Variants in KIAA0825 observed in about 807,000 individuals in gnomAD.
KIAA0825 encodes the protein KIAA0825, also known as uncharacterized protein KIAA0825.
KIAA0825 carries 119 observed loss-of-function variants against 147.6 expected under a neutral mutation model. The ratio of observed to expected loss-of-function variants is 0.81; its 90% CI spans 0.69 to 0.94. The LOEUF (loss-of-function observed/expected upper bound fraction) is 0.94, where lower values mean the gene tolerates loss of function less well. Ranked by LOEUF, KIAA0825 falls within the 40% of genes least tolerant of loss-of-function variation. The probability of loss-of-function intolerance (pLI) is 0.00; values close to 1 mark genes in which losing one functional copy is unlikely to be tolerated. For synonymous variants in KIAA0825, 470 were observed against 518.1 expected (o/e 0.91, Z 1.26); for missense variants, 1,381 against 1,472.7 (o/e 0.94, Z 1.02).
At chr5:94,592,807 A>C (rs1261888579) in intron 1 of KIAA0825, 5 of 450,614 alleles carry the variant, frequency 1.1e-5, no homozygotes, top group Non-Finnish European at 2.1e-5. Flanking sequence ...ATTGGTTACA[A>C]ATATGCTTCG....
intron 14 of KIAA0825, among the ~76,000 whole-genome samples, chr5:94,427,679 A>G (rs115441907): frequency 0.013 from 1,957 of 152,280 alleles, 48 homozygotes; most frequent in African/African-American, 0.045. Flanking sequence ...TTTAAATGGT[A>G]TAAGTATTTT....
chr5:94,277,433 C>G (rs1233892708), intron 20 of KIAA0825, among the ~76,000 whole-genome samples: 1 of 152,018 alleles, frequency 6.6e-6, no homozygotes, highest in Non-Finnish European at 1.5e-5. Flanking sequence ...ACAACCCTAT[C>G]AAAAAGTAGG....
intron 14 of KIAA0825, among the ~76,000 whole-genome samples, chr5:94,422,516 T>C (rs1014713708): frequency 5.3e-5 from 8 of 152,196 alleles, no homozygotes; most frequent in Admixed American, 3.3e-4. Flanking sequence ...TACATTAGTA[T>C]GCTTTTTTCT....
chr5:94,302,480 A>G (rs1015545258), intron 20 of KIAA0825, among the ~76,000 whole-genome samples: 1 of 152,100 alleles, frequency 6.6e-6, no homozygotes, highest in Non-Finnish European at 1.5e-5. Context: ...TTCAAGCATC[A>G]TGTCCCGAAT....
chr5:94,224,720 A>C lies in KIAA0825; in HGVS notation c.3711-70596T>G, dbSNP rs1281832083. ...TTAACAATGGCTAAGGGCTAACAGT[A>C]AACACAGTAGCTTGGGACCCTGGAT... On this transcript the variant is annotated intron_variant, in intron 20 of 20. Coordinates refer to ENST00000682413, the MANE Select transcript of KIAA0825 (RefSeq NM_001145678.3). Among the ~76,000 whole-genome samples the C allele has an allele frequency of 5.9e-5, 9 of 152,346 alleles. No homozygotes were observed. In the East Asian group the frequency reaches 1.7e-3, roughly 29 times the overall value.
chr5:94,166,247 TCAGA>T (rs555148804), intron 20 of KIAA0825, among the ~76,000 whole-genome samples: 1 of 152,194 alleles, frequency 6.6e-6, no homozygotes, highest in Non-Finnish European at 1.5e-5. Context: ...GGGAGATCAT[TCAGA>T]CAGAGAGCGT....
At chr5:94,363,116 C>CAAAGCCTTATTCAGGT (rs922374967) in intron 20 of KIAA0825, among the ~76,000 whole-genome samples, 1 of 150,774 alleles carries the variant, frequency 6.6e-6, no homozygotes, top group Non-Finnish European at 1.5e-5. Flanking sequence ...AGGTAAACAA[C>CAAAGCCTTATTCAGGT]AAAGCCTTAT....
intron 12 of KIAA0825, among the ~76,000 whole-genome samples, chr5:94,454,619 G>C (rs751909695): frequency 1.3e-5 from 2 of 152,142 alleles, no homozygotes; most frequent in Non-Finnish European, 2.9e-5. Context: ...GCCAGACCAG[G>C]TACCAGGATA....
intron 1 of KIAA0825, among the ~76,000 whole-genome samples, chr5:94,590,655 A>C (rs1784184382): frequency 1.3e-5 from 2 of 152,172 alleles, no homozygotes; most frequent in Admixed American, 6.5e-5. Flanking sequence ...TCTTGATGAC[A>C]ATGTCAGCCG....
chr5:94,473,184 T>C, intron 8 of KIAA0825, 108 bp downstream of exon 8: 3 of 825,920 alleles, frequency 3.6e-6, no homozygotes, highest in Non-Finnish European at 5.8e-6. Context: ...TACCAAGTAC[T>C]TGCCAAGGGA....
chr5:94,166,359 G>A (rs1211027937), intron 20 of KIAA0825, among the ~76,000 whole-genome samples: 2 of 152,076 alleles, frequency 1.3e-5, no homozygotes, highest in Non-Finnish European at 2.9e-5. Flanking sequence ...AATGTCAGTG[G>A]TAATAAAAGG....
At chr5:94,430,067 G>T (rs1244316271) in intron 14 of KIAA0825, among the ~76,000 whole-genome samples, 1 of 152,122 alleles carries the variant, frequency 6.6e-6, no homozygotes, top group Admixed American at 6.5e-5. Context: ...CTGCACAGGA[G>T]GGGTGGGGCA....
intron 3 of KIAA0825, among the ~76,000 whole-genome samples, chr5:94,531,238 TA>T (rs1382133828): frequency 5.9e-5 from 9 of 152,286 alleles, no homozygotes; most frequent in African/African-American, 2.2e-4. Context: ...CTCAGCCTCC[TA>T]AAGCAGAGGT....
chr5:94,532,923 T>G (rs552424116), intron 3 of KIAA0825, among the ~76,000 whole-genome samples: 20 of 152,022 alleles, frequency 1.3e-4, no homozygotes, highest in African/African-American at 4.8e-4. Flanking sequence ...ATGAAAATTT[T>G]TAAGATACAA....
At chr5:94,537,647 CAAAAA>C (rs1162517096) in intron 2 of KIAA0825, among the ~76,000 whole-genome samples, 2 of 68,016 alleles carry the variant, frequency 2.9e-5, no homozygotes. Flanking sequence ...GACTCTGTCT[CAAAAA>C]AAAAAAAAAA....
At chr5:94,589,320 T>C (rs1051780378) in intron 1 of KIAA0825, among the ~76,000 whole-genome samples, 2 of 152,228 alleles carry the variant, frequency 1.3e-5, no homozygotes, top group Non-Finnish European at 2.9e-5. Flanking sequence ...ACCCATTCAC[T>C]AATAAGCTTC....
At chr5:94,518,055 A>G (rs1370916735) in intron 5 of KIAA0825, among the ~76,000 whole-genome samples, 2 of 152,220 alleles carry the variant, frequency 1.3e-5, no homozygotes, top group Non-Finnish European at 2.9e-5. Flanking sequence ...GTCTGAGCCA[A>G]TAAATGTTGT....
chr5:94,507,455 G>A (rs1446119432), intron 5 of KIAA0825, among the ~76,000 whole-genome samples: 46 of 110,560 alleles, frequency 4.2e-4, no homozygotes, highest in African/African-American at 1.1e-3. Context: ...CCGTCCCCCC[G>A]CCCCCCCCAA....
At chr5:94,321,590 C>T (rs1416232927) in intron 20 of KIAA0825, among the ~76,000 whole-genome samples, 2 of 151,932 alleles carry the variant, frequency 1.3e-5, no homozygotes, top group African/African-American at 2.4e-5. Context: ...TCATTTGCAG[C>T]TTGTTCCATG....
Sources: allele counts gnomAD v4.1 joint callset (sites outside exome capture counted in the v4.1 genomes callset), GRCh38; gene constraint gnomAD v4.1.1; transcripts MANE v1.5; gene names NCBI Gene and HGNC (gene_info 2026-07-23, HGNC 2026-07-21).